Variants in VPS50 observed in about 807,000 individuals in gnomAD.
VPS50 encodes the protein VPS50 subunit of EARP/GARPII complex, also known as syndetin.
In VPS50, 70 loss-of-function variants were observed where a neutral mutation model predicts 139.7. The observed-to-expected ratio is 0.50, with a 90% CI of 0.41 to 0.61. VPS50 has a LOEUF of 0.61. Ranked by LOEUF, VPS50 falls within the 20% of genes least tolerant of loss-of-function variation. The probability of loss-of-function intolerance (pLI) is 0.00; values close to 1 mark genes in which losing one functional copy is unlikely to be tolerated. For missense variants in VPS50, 921 were observed against 1,133.7 expected (o/e 0.81, Z 2.69); for synonymous variants, 365 against 376.7 (o/e 0.97, Z 0.36).
At chr7:93,340,221 T>G (rs1398570971) in intron 22 of VPS50, among the ~76,000 whole-genome samples, 1 of 152,230 alleles carries the variant, frequency 6.6e-6, no homozygotes, top group African/African-American at 2.4e-5. Context: ...ATAACTGTTA[T>G]GATGATGCCA....
rs1795998352 is a variant in VPS50 at position 93,271,202 on chromosome 7, T to G, written c.660-18T>G. Reference sequence around the variant, plus strand: ...TGTCTCAGAAATAGAAAAAAACTGTTTTTTTTTTTTTTAATAGTGAACTGA... The same window carrying G: ...TGTCTCAGAAATAGAAAAAAACTGTGTTTTTTTTTTTTAATAGTGAACTGA... On this transcript the variant is annotated intron_variant, in intron 9 of 27. Coordinates refer to ENST00000305866, the MANE Select transcript of VPS50 (RefSeq NM_017667.4). 9.6e-6 allele frequency: 12 copies of G among 1,253,956 alleles called. No homozygotes were observed. The highest frequency in any genetic ancestry group is 1.3e-5 in the Non-Finnish European group (12 of 905,422). The allele number at this position is 1,253,956 out of a possible 1,614,324, so 77.7% of individuals were successfully genotyped here.
At position 93,358,520 on chromosome 7, in the gene VPS50, C is replaced by G. The variant is rs1281707322; in HGVS notation, c.*84C>G. 2 of 1,087,298 alleles carry G rather than the reference C, an allele frequency of 1.8e-6. No individual in the cohort carries two copies. The highest frequency in any genetic ancestry group is 3.2e-5 in the African/African-American group (2 of 63,394). 67.4% of individuals were successfully genotyped at this position (1,087,298 alleles called of 1,614,324 possible). A position where few individuals can be genotyped will look rare whatever the true frequency, so the allele number is the denominator to read the frequency against. On this transcript the variant is annotated 3_prime_UTR_variant, in exon 28 of 28. Transcript: ENST00000305866. ...AGCCAGTTTTTTTATGCACTTCTGA[C>G]AACTATCTGCTAAGAAAACTTTGTG...
chr7:93,272,613 GCTT>G lies in VPS50; in HGVS notation c.703-15_703-13del. The stretch of plus-strand genomic sequence containing the variant: ...AAACATAATTCCTTAACCATGTCTT[GCTT>G]CTTCTTTTAATTATATAGGAACAGC... On this transcript the variant is annotated intron_variant, in intron 10 of 27. Transcript: ENST00000305866. The G allele has an allele frequency of 2.8e-6, 3 of 1,057,918 alleles. No individual in the cohort carries two copies. Among genetic ancestry groups the G allele is most frequent in the Non-Finnish European group, 4.2e-6 (3 of 714,826 alleles). 65.5% of individuals were successfully genotyped at this position (1,057,918 alleles called of 1,614,324 possible). A position where few individuals can be genotyped will look rare whatever the true frequency, so the allele number is the denominator to read the frequency against.
At chr7:93,296,267 CATTT>C (rs1193858481) in intron 14 of VPS50, among the ~76,000 whole-genome samples, 2 of 152,000 alleles carry the variant, frequency 1.3e-5, no homozygotes, top group Non-Finnish European at 2.9e-5. Flanking sequence ...CCATATTAAA[CATTT>C]ATTAAAATTA....
chr7:93,259,447 A>G, intron 8 of VPS50, 103 bp from the exon 9 acceptor site: 1 of 579,608 alleles, frequency 1.7e-6, no homozygotes, highest in Non-Finnish European at 3.1e-6. Flanking sequence ...AAGTTTTTTG[A>G]TTCTGTAACT....
At chr7:93,293,915 T>C (rs1796722064) in intron 13 of VPS50, among the ~76,000 whole-genome samples, 1 of 152,208 alleles carries the variant, frequency 6.6e-6, no homozygotes, top group Non-Finnish European at 1.5e-5. Context: ...TAAGACAAGA[T>C]GATAACATAC....
intron 23 of VPS50, among the ~76,000 whole-genome samples, chr7:93,342,684 G>A (rs908903499): frequency 6.6e-5 from 10 of 152,188 alleles, no homozygotes; most frequent in African/African-American, 1.2e-4. Flanking sequence ...CCTGATCCCC[G>A]AGCAGCCGAA....
At chr7:93,276,655 C>T (rs1325514726) in intron 12 of VPS50, among the ~76,000 whole-genome samples, 1 of 152,140 alleles carries the variant, frequency 6.6e-6, no homozygotes, top group African/African-American at 2.4e-5. Context: ...GATTTTCAAC[C>T]AGTTTTTTCA....
At chr7:93,266,649 G>A (rs1361541282) in intron 9 of VPS50, among the ~76,000 whole-genome samples, 1 of 152,160 alleles carries the variant, frequency 6.6e-6, no homozygotes, top group East Asian at 1.9e-4. Flanking sequence ...GCTTTTAAAG[G>A]CTTTTAGCCT....
intron 2 of VPS50, among the ~76,000 whole-genome samples, chr7:93,242,294 A>G (rs1027929963): frequency 6.6e-6 from 1 of 151,784 alleles, no homozygotes; most frequent in Non-Finnish European, 1.5e-5. Flanking sequence ...AGCAGGGGTA[A>G]GGCGATTACA....
intron 22 of VPS50, among the ~76,000 whole-genome samples, chr7:93,339,579 G>GT (rs1395516138): frequency 6.6e-6 from 1 of 152,020 alleles, no homozygotes; most frequent in Non-Finnish European, 1.5e-5. Flanking sequence ...TTCTTTGAGG[G>GT]TTTTTTAAAG....
In VPS50 at chr7:93,250,853, AAAC is replaced by A. The variant is rs1266377736; in HGVS notation, c.103-1796_103-1794del. 5.3e-5 allele frequency among the ~76,000 whole-genome samples: 8 copies of A among 152,274 alleles called. No individual in the cohort carries two copies. The South Asian group carries it at 6.2e-4, about 12-fold the overall frequency. ...GAAATTAAACAAATTTACAAGAAAA[AAAC>A]AACCCCATCAAAAAGTGGGTGAGGG... On this transcript the variant is annotated intron_variant, in intron 2 of 27. Coordinates refer to ENST00000305866, the MANE Select transcript of VPS50 (RefSeq NM_017667.4).
chr7:93,331,037 T>G (rs1038137923), intron 21 of VPS50, among the ~76,000 whole-genome samples: 8 of 151,954 alleles, frequency 5.3e-5, no homozygotes, highest in Admixed American at 3.3e-4. Flanking sequence ...AACATCAAAA[T>G]TTTTTAGAAA....
chr7:93,300,560 A>G (rs1234049703), intron 16 of VPS50, among the ~76,000 whole-genome samples: 2 of 152,182 alleles, frequency 1.3e-5, no homozygotes, highest in East Asian at 3.8e-4. Flanking sequence ...AGAAAAATTA[A>G]GAAATTTAAT....
At chr7:93,262,737 G>A (rs939374218) in intron 9 of VPS50, among the ~76,000 whole-genome samples, 2 of 152,178 alleles carry the variant, frequency 1.3e-5, no homozygotes, top group Non-Finnish European at 2.9e-5. Flanking sequence ...CTGTCTGGTG[G>A]TGATGATAGC....
intron 20 of VPS50, among the ~76,000 whole-genome samples, chr7:93,315,680 A>G (rs544915477): frequency 1.8e-4 from 28 of 152,336 alleles, no homozygotes; most frequent in Non-Finnish European, 3.1e-4. Flanking sequence ...ATCTTTTCAT[A>G]TGCTTAAAAG....
intron 3 of VPS50, among the ~76,000 whole-genome samples, chr7:93,253,314 T>C (rs1037068398): frequency 4.6e-5 from 7 of 152,208 alleles, no homozygotes; most frequent in African/African-American, 1.4e-4. Flanking sequence ...TGACTGAGAT[T>C]GTTTCCCTGT....
rs1584495312 is a variant in VPS50, at chr7:93,348,714, A to G, written c.2211A>G (p.Val737=). ...AERVVATESL[V]FLAEQFEFLQ... is the part of the protein sequence containing the mutation. ...GTGGGTTATTTATTCCCTTTAGGGTATTCTTGGCTGAACAGTTTGAGTTCC... is the reference window on the plus strand; with the variant it reads ...GTGGGTTATTTATTCCCTTTAGGGTGTTCTTGGCTGAACAGTTTGAGTTCC... The change falls in exon 24 of 28, where the codon GTA becomes GTG. Residue 737 remains valine, a synonymous_variant. Coordinates refer to ENST00000305866, the MANE Select transcript of VPS50 (RefSeq NM_017667.4). 1 of 1,605,846 alleles carries G rather than the reference A, an allele frequency of 6.2e-7. No individual in the cohort carries two copies. The highest frequency in any genetic ancestry group is 8.5e-7 in the Non-Finnish European group (1 of 1,172,682).
At chr7:93,234,939 T>TAAA (rs11289729) in intron 1 of VPS50, among the ~76,000 whole-genome samples, 453 of 144,754 alleles carry the variant, frequency 3.1e-3, no homozygotes, top group Non-Finnish European at 5.3e-3. Flanking sequence ...CTATTCTAAG[T>TAAA]AAAAAAAAAA....
Sources: gnomAD v4.1 joint callset for allele counts (sites outside exome capture counted in the v4.1 genomes callset) on GRCh38, gnomAD v4.1.1 for gene constraint, MANE v1.5 for transcripts, NCBI Gene and HGNC (gene_info 2026-07-23, HGNC 2026-07-21) for gene names.